The following HACD2 variants were observed in gnomAD, a reference collection of about 807,000 sequenced individuals.
HACD2 encodes the protein 3-hydroxyacyl-CoA dehydratase 2, also known as very-long-chain (3R)-3-hydroxyacyl-CoA dehydratase 2.
In HACD2, 15 loss-of-function variants were observed where a neutral mutation model predicts 31.0. The observed-to-expected ratio is 0.48, with a 90% CI of 0.32 to 0.75. The LOEUF (loss-of-function observed/expected upper bound fraction) is 0.75, where lower values mean the gene tolerates loss of function less well. Ranked by LOEUF, HACD2 falls within the 30% of genes least tolerant of loss-of-function variation. HACD2 has a pLI of 0.03. For synonymous variants in HACD2, 115 were observed against 122.2 expected (o/e 0.94, Z 0.39); for missense variants, 283 against 313.0 (o/e 0.90, Z 0.72).
intron 2 of HACD2, among the ~76,000 whole-genome samples, chr3:123,578,346 CTG>C (rs2056930150): frequency 6.6e-6 from 1 of 152,156 alleles, no homozygotes; most frequent in Admixed American, 6.5e-5. Flanking sequence ...TCATGGCTCA[CTG>C]TAGCCTTGAA....
intron 4 of HACD2, among the ~76,000 whole-genome samples, chr3:123,508,603 G>A (rs191455653): frequency 2.0e-5 from 3 of 152,218 alleles, no homozygotes; most frequent in East Asian, 1.9e-4. Flanking sequence ...TGCTTACTGC[G>A]CTGGTTATTT....
intron 4 of HACD2, among the ~76,000 whole-genome samples, chr3:123,517,403 T>C (rs551158403): frequency 6.6e-6 from 1 of 152,368 alleles, no homozygotes; most frequent in Non-Finnish European, 1.5e-5. Flanking sequence ...CATGCAACTA[T>C]TACCTTCAAC....
intron 2 of HACD2, among the ~76,000 whole-genome samples, chr3:123,577,798 A>G (rs757961782): frequency 2.4e-4 from 37 of 152,184 alleles, no homozygotes; most frequent in Non-Finnish European, 4.0e-4. Flanking sequence ...CTGCCTCATC[A>G]ATGAATATCA....
At chr3:123,522,030 G>GCACTCT (rs1485119110) in intron 4 of HACD2, among the ~76,000 whole-genome samples, 2 of 152,168 alleles carry the variant, frequency 1.3e-5, no homozygotes, top group Non-Finnish European at 2.9e-5. Flanking sequence ...CTCTTGGCCG[G>GCACTCT]TGTGGTGGCT....
chr3:123,508,772 C>T (rs2107687105), intron 4 of HACD2, among the ~76,000 whole-genome samples: 1 of 152,304 alleles, frequency 6.6e-6, no homozygotes. Flanking sequence ...GCTGCCATAA[C>T]AGAACACCAT....
chr3:123,543,284 GA>G (rs1360583634), intron 3 of HACD2, among the ~76,000 whole-genome samples: 1 of 152,084 alleles, frequency 6.6e-6, no homozygotes. Flanking sequence ...ACTAAACCCT[GA>G]ACCTTTTTTT....
chr3:123,505,912 C>T (rs945457515), intron 4 of HACD2, among the ~76,000 whole-genome samples: 9 of 152,294 alleles, frequency 5.9e-5, no homozygotes, highest in East Asian at 1.9e-4. Flanking sequence ...CATTGGCCAC[C>T]GCACAAAGTT....
intron 3 of HACD2, among the ~76,000 whole-genome samples, chr3:123,550,584 G>A (rs1341171431): frequency 6.6e-6 from 1 of 152,196 alleles, no homozygotes; most frequent in Non-Finnish European, 1.5e-5. Context: ...GAAGACAAAG[G>A]CTGACACCCC....
intron 3 of HACD2, among the ~76,000 whole-genome samples, chr3:123,556,436 C>CAAA (rs34685425): frequency 9.4e-6 from 1 of 106,926 alleles, no homozygotes; most frequent in South Asian, 2.9e-4. Flanking sequence ...GACTCCGTCT[C>CAAA]AAAAAAAAAA....
At chr3:123,567,879 G>A (rs551639865) in intron 2 of HACD2, 99 bp from the exon 3 acceptor site, 43 of 657,148 alleles carry the variant, frequency 6.5e-5, no homozygotes, top group African/African-American at 2.8e-4. Context: ...ATAGAGCAGC[G>A]TCTGCCAGCA....
At chr3:123,577,414 G>A (rs1465479583) in intron 2 of HACD2, among the ~76,000 whole-genome samples, 1 of 152,034 alleles carries the variant, frequency 6.6e-6, no homozygotes, top group Admixed American at 6.6e-5. Flanking sequence ...GAGGTCAGGA[G>A]ATCGAGACCA....
intron 3 of HACD2, among the ~76,000 whole-genome samples, chr3:123,562,380 C>G (rs553294701): frequency 5.9e-4 from 90 of 152,210 alleles, no homozygotes; most frequent in Admixed American, 3.4e-3. Context: ...CAAGACGCAA[C>G]CCCAACTCAT....
chr3:123,556,522 G>C (rs62264565), intron 3 of HACD2, among the ~76,000 whole-genome samples: 9 of 151,648 alleles, frequency 5.9e-5, no homozygotes, highest in African/African-American at 2.2e-4. Flanking sequence ...AATATGTAAA[G>C]ATCAAATCAG....
intron 2 of HACD2, among the ~76,000 whole-genome samples, chr3:123,570,543 A>G (rs2056842844): frequency 6.6e-6 from 1 of 152,212 alleles, no homozygotes; most frequent in Admixed American, 6.5e-5. Context: ...AGTAACAGTC[A>G]AAGTAGAGAA....
At position 123,515,113 on chromosome 3, in the gene HACD2, C is replaced by T. The variant is rs541643969; in HGVS notation, c.382-12432G>A. 2.2e-4 allele frequency among the ~76,000 whole-genome samples: 33 copies of T among 152,312 alleles called. No homozygotes were observed. In the East Asian group the frequency reaches 6.2e-3, roughly 29 times the overall value. On this transcript the variant is annotated intron_variant, in intron 4 of 6. Transcript: ENST00000383657. Reference sequence around the variant, plus strand: ...TAAGTGCTTTGTATGTGTTAACTCGCAGACCACCTCATGAAGGGAACCACG... The same window carrying T: ...TAAGTGCTTTGTATGTGTTAACTCGTAGACCACCTCATGAAGGGAACCACG...
chr3:123,499,518 T>C (rs2055876933), intron 6 of HACD2: 3 of 413,976 alleles, frequency 7.2e-6, no homozygotes, highest in Non-Finnish European at 1.5e-5. Flanking sequence ...TGGATGTAGT[T>C]TTTTTCTCAC....
At chr3:123,546,827 T>C (rs1169015815) in intron 3 of HACD2, among the ~76,000 whole-genome samples, 11 of 152,300 alleles carry the variant, frequency 7.2e-5, no homozygotes, top group Non-Finnish European at 1.2e-4. Context: ...GGCAACACTT[T>C]TAAAAGAAGC....
chr3:123,524,286 A>T (rs2056251709), intron 4 of HACD2, among the ~76,000 whole-genome samples: 1 of 152,206 alleles, frequency 6.6e-6, no homozygotes, highest in Admixed American at 6.5e-5. Context: ...TTCTGTATCA[A>T]GTGTAAGGTG....
rs2055804822 is a variant in HACD2 at position 123,494,250 on chromosome 3, A to G, written c.*638T>C. The G allele has an allele frequency of 3.3e-5, 5 of 152,722 alleles. No homozygotes were observed. Among genetic ancestry groups the G allele is most frequent in the African/African-American group, 1.2e-4 (5 of 41,478 alleles). 9.5% of individuals were successfully genotyped at this position (152,722 alleles called of 1,614,324 possible). The stretch of plus-strand genomic sequence containing the variant: ...AGCACGTTTCTTAGTGGCAGGCAGT[A>G]ATGACTCAATTGGAAACAAACAAAA... On this transcript the variant is annotated 3_prime_UTR_variant, in exon 7 of 7. Transcript: ENST00000383657.
Sources: gnomAD v4.1 joint callset for allele counts (sites outside exome capture counted in the v4.1 genomes callset) on GRCh38, gnomAD v4.1.1 for gene constraint, MANE v1.5 for transcripts, NCBI Gene and HGNC (gene_info 2026-07-23, HGNC 2026-07-21) for gene names.